FAM227B: variants seen among roughly 807,000 people sequenced by gnomAD.
The protein encoded by FAM227B is protein FAM227B.
Under a neutral mutation model 73.8 loss-of-function variants are expected in FAM227B, and 88 were observed. That is an observed-to-expected ratio of 1.19 (90% CI 1.00 to 1.42). The LOEUF (loss-of-function observed/expected upper bound fraction) is 1.42. Ranked by LOEUF, FAM227B falls within the 40% of genes most tolerant of loss-of-function variation. The pLI, the probability that FAM227B is intolerant of heterozygous loss-of-function variation, is 0.00. For missense variants in FAM227B, 632 were observed against 590.9 expected (o/e 1.07, Z -0.72); for synonymous variants, 210 against 190.5 (o/e 1.10, Z -0.84).
intron 10 of FAM227B, among the ~76,000 whole-genome samples, chr15:49,535,259 T>C (rs1030101706): frequency 1.3e-5 from 2 of 151,568 alleles, no homozygotes; most frequent in South Asian, 4.2e-4. Context: ...GAGATACCTC[T>C]GAAATAAAAA....
chr15:49,436,498 G>A (rs1305114091), intron 11 of FAM227B, among the ~76,000 whole-genome samples: 1 of 151,516 alleles, frequency 6.6e-6, no homozygotes, highest in Non-Finnish European at 1.5e-5. Context: ...GAAAACATGG[G>A]CCATTAGTAT....
At chr15:49,595,404 GAC>G (rs1023353983) in intron 3 of FAM227B, among the ~76,000 whole-genome samples, 6 of 151,976 alleles carry the variant, frequency 3.9e-5, no homozygotes, top group African/African-American at 1.4e-4. Flanking sequence ...GTGACAGTTT[GAC>G]ATACTCTTTA....
intron 13 of FAM227B, among the ~76,000 whole-genome samples, chr15:49,346,029 C>CT (rs2041432545): frequency 6.7e-6 from 1 of 149,304 alleles, no homozygotes; most frequent in Non-Finnish European, 1.5e-5. Flanking sequence ...GCCCTGCTTG[C>CT]TTTTGGTCAC....
intron 9 of FAM227B, among the ~76,000 whole-genome samples, chr15:49,555,888 G>GT (rs1389635782): frequency 2.0e-5 from 3 of 152,126 alleles, no homozygotes; most frequent in African/African-American, 7.2e-5. Flanking sequence ...TTTTTCAGCT[G>GT]TATCAGTGCT....
intron 11 of FAM227B, among the ~76,000 whole-genome samples, chr15:49,475,596 T>C (rs1259305414): frequency 7.1e-6 from 1 of 140,298 alleles, no homozygotes. Context: ...CTAACTTTAT[T>C]ATTTATTAAA....
chr15:49,480,343 C>T (rs1401098790), intron 11 of FAM227B, among the ~76,000 whole-genome samples: 4 of 152,088 alleles, frequency 2.6e-5, no homozygotes, highest in Admixed American at 1.3e-4. Context: ...CAGAGCCTCA[C>T]TCCACCCACA....
chr15:49,357,818 C>A (rs1008311291), intron 13 of FAM227B, among the ~76,000 whole-genome samples: 1 of 152,068 alleles, frequency 6.6e-6, no homozygotes, highest in Non-Finnish European at 1.5e-5. Context: ...CCTTGATGAA[C>A]ATTGATGCAA....
chr15:49,351,083 A>G (rs1161982396), intron 13 of FAM227B, among the ~76,000 whole-genome samples: 1 of 152,166 alleles, frequency 6.6e-6, no homozygotes, highest in Non-Finnish European at 1.5e-5. Context: ...AATTTTTCTC[A>G]TTCTTTCCTA....
chr15:49,396,979 A>T (rs559444339), intron 11 of FAM227B, among the ~76,000 whole-genome samples: 14 of 152,256 alleles, frequency 9.2e-5, no homozygotes, highest in African/African-American at 3.4e-4. Flanking sequence ...CACCAGCAAC[A>T]GAACAAAGCT....
At chr15:49,518,280 G>A (rs2059527027) in intron 10 of FAM227B, among the ~76,000 whole-genome samples, 1 of 152,038 alleles carries the variant, frequency 6.6e-6, no homozygotes, top group South Asian at 2.1e-4. Context: ...AAAAATATAG[G>A]TCTGTGTTTT....
intron 12 of FAM227B, among the ~76,000 whole-genome samples, chr15:49,368,740 T>C (rs1485662000): frequency 6.6e-6 from 1 of 152,234 alleles, no homozygotes; most frequent in Non-Finnish European, 1.5e-5. Context: ...ACTCTTCCTG[T>C]TTCTTTCTTG....
chr15:49,468,719 C>A (rs997978160), intron 11 of FAM227B, among the ~76,000 whole-genome samples: 3 of 152,168 alleles, frequency 2.0e-5, no homozygotes, highest in Admixed American at 6.5e-5. Flanking sequence ...GAACTCAATT[C>A]TTTCCTAACT....
chr15:49,402,284 T>C (rs1415795649), intron 11 of FAM227B, among the ~76,000 whole-genome samples: 2 of 152,222 alleles, frequency 1.3e-5, no homozygotes, highest in African/African-American at 4.8e-5. Flanking sequence ...TGGGCTCTTT[T>C]TGGATTCCAT....
In FAM227B at chr15:49,584,312, C is replaced by A. The variant is rs1034448656; in HGVS notation, c.405+3704G>T. Among the ~76,000 whole-genome samples the A allele has an allele frequency of 3.9e-5, 6 of 152,306 alleles. No individual in the cohort carries two copies. In the East Asian group the frequency reaches 1.2e-3, roughly 29 times the overall value. On this transcript the variant is annotated intron_variant, in intron 5 of 15. Coordinates refer to ENST00000299338, the MANE Select transcript of FAM227B (RefSeq NM_152647.3). The stretch of plus-strand genomic sequence containing the variant: ...AGAAAAGGCTTTCATTAAAATTCAA[C>A]ATCCTTTCATGTGAAAAACTCTCAT...
chr15:49,588,423 G>A (rs1057153129), intron 4 of FAM227B, among the ~76,000 whole-genome samples: 2 of 149,664 alleles, frequency 1.3e-5, no homozygotes, highest in African/African-American at 4.9e-5. Context: ...TTGTTTCATG[G>A]TCACCTTAAT....
At chr15:49,331,879 C>T (rs923430265) in intron 14 of FAM227B, 30 bp from the exon 15 acceptor site, 1 of 1,341,624 alleles carries the variant, frequency 7.5e-7, no homozygotes, top group Non-Finnish European at 1.1e-6. Flanking sequence ...AATCAGTAAC[C>T]AAACTAATTG....
intron 5 of FAM227B, among the ~76,000 whole-genome samples, chr15:49,585,931 T>C (rs867296887): frequency 5.9e-5 from 9 of 152,206 alleles, no homozygotes; most frequent in Middle Eastern, 6.8e-3. Context: ...AGAATCAATA[T>C]CGTTAAAATG....
intron 10 of FAM227B, among the ~76,000 whole-genome samples, chr15:49,527,319 A>T (rs2060277030): frequency 6.6e-6 from 1 of 151,854 alleles, no homozygotes; most frequent in Non-Finnish European, 1.5e-5. Flanking sequence ...CAGAATAAGC[A>T]TTCAACAAAA....
chr15:49,598,519 TTGTTTC>T (rs1292563270), intron 3 of FAM227B, among the ~76,000 whole-genome samples: 1 of 152,044 alleles, frequency 6.6e-6, no homozygotes, highest in Non-Finnish European at 1.5e-5. Flanking sequence ...AATCCTTGTG[TTGTTTC>T]TGTTCTTAGA....
Sources: allele counts gnomAD v4.1 joint callset (sites outside exome capture counted in the v4.1 genomes callset), GRCh38; gene constraint gnomAD v4.1.1; transcripts MANE v1.5; gene names NCBI Gene and HGNC (gene_info 2026-07-23, HGNC 2026-07-21).